The following MGMT variants were observed in gnomAD, a reference collection of about 807,000 sequenced individuals.
MGMT encodes methylated-DNA--protein-cysteine methyltransferase.
MGMT carries 14 observed loss-of-function variants against 15.9 expected under a neutral mutation model. The observed-to-expected ratio is 0.88, with a 90% CI of 0.58 to 1.37. The LOEUF (loss-of-function observed/expected upper bound fraction) is 1.37, where lower values mean the gene tolerates loss of function less well. Ranked by LOEUF, MGMT falls within the 40% of genes most tolerant of loss-of-function variation. The pLI, the probability that MGMT is intolerant of heterozygous loss-of-function variation, is 0.00. For synonymous variants in MGMT, 130 were observed against 118.2 expected, an observed-to-expected ratio of 1.10 and a Z score of -0.65; for missense variants, 282 against 268.1, an observed-to-expected ratio of 1.05 and a Z score of -0.36.
rs373479981 is a variant in MGMT at position 129,554,597 on chromosome 10, C to G, written c.125+18220C>G. 5.3e-5 allele frequency among the ~76,000 whole-genome samples: 8 copies of G among 152,236 alleles called. No homozygotes were observed. In the East Asian group the frequency reaches 7.7e-4, roughly 15 times the overall value. On this transcript the variant is annotated intron_variant, in intron 2 of 4. Transcript: ENST00000651593. Reference sequence around the variant, plus strand: ...CTATGTAGCCCTGGGTGAGTGCTTCCTGAGCAAGCTTGCTTTTTGGCCTTT... The same window carrying G: ...CTATGTAGCCCTGGGTGAGTGCTTCGTGAGCAAGCTTGCTTTTTGGCCTTT...
chr10:129,471,915 C>T (rs980475965), intron 1 of MGMT, among the ~76,000 whole-genome samples: 7 of 152,156 alleles, frequency 4.6e-5, no homozygotes, highest in East Asian at 1.9e-4. Context: ...TCCTGAGAGA[C>T]GTGAATCTCT....
At chr10:129,523,163 G>T (rs1845831396) in intron 1 of MGMT, among the ~76,000 whole-genome samples, 1 of 152,242 alleles carries the variant, frequency 6.6e-6, no homozygotes, top group Admixed American at 6.5e-5. Flanking sequence ...CCCAGGTTGT[G>T]AGGAGTGTGC....
At chr10:129,650,643 T>C (rs904943408) in intron 2 of MGMT, among the ~76,000 whole-genome samples, 1 of 152,208 alleles carries the variant, frequency 6.6e-6, no homozygotes, top group Non-Finnish European at 1.5e-5. Flanking sequence ...ACCAGTGAGC[T>C]GTGTAATCGC....
chr10:129,737,840 G>C (rs886448565), intron 3 of MGMT, among the ~76,000 whole-genome samples: 1 of 152,172 alleles, frequency 6.6e-6, no homozygotes, highest in Non-Finnish European at 1.5e-5. Context: ...GGCCCTGCTG[G>C]GGGGTGCCTC....
intron 1 of MGMT, among the ~76,000 whole-genome samples, chr10:129,472,471 C>T (rs560519009): frequency 7.9e-5 from 12 of 152,092 alleles, no homozygotes; most frequent in Non-Finnish European, 1.5e-4. Flanking sequence ...TTCGAGCCCT[C>T]GTTTTCCCCC....
intron 2 of MGMT, among the ~76,000 whole-genome samples, chr10:129,553,201 G>T (rs555761245): frequency 6.6e-6 from 1 of 152,278 alleles, no homozygotes; most frequent in Admixed American, 6.5e-5. Flanking sequence ...TTGGGTCAAG[G>T]ACTCTTTCTT....
chr10:129,618,998 A>G (rs1273284911), intron 2 of MGMT, among the ~76,000 whole-genome samples: 1 of 152,100 alleles, frequency 6.6e-6, no homozygotes, highest in Non-Finnish European at 1.5e-5. Flanking sequence ...ACTTTATTGT[A>G]CTGGCTAGGG....
At chr10:129,574,128 A>G (rs1846451403) in intron 2 of MGMT, among the ~76,000 whole-genome samples, 2 of 152,232 alleles carry the variant, frequency 1.3e-5, no homozygotes, top group South Asian at 4.1e-4. Flanking sequence ...ATGCGCAGTT[A>G]CTGTCTCCCT....
At chr10:129,567,002 C>T (rs1002979195) in intron 2 of MGMT, among the ~76,000 whole-genome samples, 2 of 152,136 alleles carry the variant, frequency 1.3e-5, no homozygotes, top group Non-Finnish European at 2.9e-5. Flanking sequence ...GTCCCTGTCA[C>T]GTCACCGGAG....
chr10:129,637,504 G>A (rs968562967), intron 2 of MGMT, among the ~76,000 whole-genome samples: 5 of 152,200 alleles, frequency 3.3e-5, no homozygotes, highest in African/African-American at 1.2e-4. Flanking sequence ...TAGGAGGGCT[G>A]AGAGTAGATG....
intron 2 of MGMT, among the ~76,000 whole-genome samples, chr10:129,644,094 G>A (rs1164955402): frequency 6.6e-6 from 1 of 152,184 alleles, no homozygotes; most frequent in East Asian, 1.9e-4. Flanking sequence ...ATGCTGTTGA[G>A]TGTTCTTCCT....
At position 129,584,526 on chromosome 10, in the gene MGMT, T is replaced by C. The variant is rs377150193; in HGVS notation, c.125+48149T>C. On this transcript the variant is annotated intron_variant, in intron 2 of 4. Coordinates refer to ENST00000651593, the MANE Select transcript of MGMT (RefSeq NM_002412.5). ...TTAAATTGTACAGCATGCTGGGTTT[T>C]CATGCATTTATACAGTTGTGTGTCC... Among the ~76,000 whole-genome samples, 7 of 152,192 alleles carry C rather than the reference T, an allele frequency of 4.6e-5. No homozygotes were observed. In the East Asian group the frequency reaches 7.7e-4, roughly 17 times the overall value.
intron 2 of MGMT, among the ~76,000 whole-genome samples, chr10:129,577,937 C>A (rs1342085174): frequency 1.3e-5 from 2 of 152,212 alleles, no homozygotes; most frequent in Admixed American, 1.3e-4. Flanking sequence ...AAAAAATGCT[C>A]ACCATCACTG....
intron 2 of MGMT, among the ~76,000 whole-genome samples, chr10:129,691,931 G>C (rs1320417102): frequency 1.3e-5 from 2 of 152,140 alleles, no homozygotes; most frequent in Non-Finnish European, 2.9e-5. Flanking sequence ...GCATGGCCTT[G>C]GGAGTTATTC....
intron 2 of MGMT, among the ~76,000 whole-genome samples, chr10:129,656,408 G>A (rs1395316994): frequency 2.0e-5 from 3 of 152,112 alleles, no homozygotes; most frequent in Admixed American, 2.0e-4. Context: ...GGAGGGGTGG[G>A]GCCTACTTCC....
At chr10:129,746,722 A>T (rs1332459261) in intron 3 of MGMT, among the ~76,000 whole-genome samples, 1 of 152,216 alleles carries the variant, frequency 6.6e-6, no homozygotes, top group Non-Finnish European at 1.5e-5. Flanking sequence ...ATCCCTTTGC[A>T]AATACATAAT....
chr10:129,543,457 A>C (rs1846066721), intron 2 of MGMT, among the ~76,000 whole-genome samples: 2 of 152,174 alleles, frequency 1.3e-5, no homozygotes, highest in African/African-American at 4.8e-5. Flanking sequence ...CTGCCTCGCC[A>C]CAGAAGAGCG....
chr10:129,711,039 T>C (rs1433623759), intron 3 of MGMT, among the ~76,000 whole-genome samples: 2 of 152,194 alleles, frequency 1.3e-5, no homozygotes, highest in Non-Finnish European at 2.9e-5. Flanking sequence ...TTCCAGCACA[T>C]TGACCATTTC....
chr10:129,578,574 C>T (rs1846515568), intron 2 of MGMT, among the ~76,000 whole-genome samples: 1 of 152,044 alleles, frequency 6.6e-6, no homozygotes, highest in Non-Finnish European at 1.5e-5. Context: ...GGAGATATAC[C>T]TAATGCTAAA....
Sources: allele counts gnomAD v4.1 joint callset (sites outside exome capture counted in the v4.1 genomes callset), GRCh38; gene constraint gnomAD v4.1.1; transcripts MANE v1.5; gene names NCBI Gene and HGNC (gene_info 2026-07-23, HGNC 2026-07-21).